The following ELFN2 variants were observed in gnomAD, a reference collection of about 807,000 sequenced individuals.
The protein encoded by ELFN2 is protein phosphatase 1 regulatory subunit 29.
In ELFN2, 17 loss-of-function variants were observed where a neutral mutation model predicts 45.5. That is an observed-to-expected ratio of 0.37 (90% CI 0.26 to 0.56). ELFN2 has a LOEUF of 0.56. ELFN2 is among the 20% of genes least tolerant of loss of function. The pLI is 0.77. For synonymous variants in ELFN2, 550 were observed against 551.5 expected (o/e 1.00, Z 0.04); for missense variants, 922 against 1,183.2 (o/e 0.78, Z 3.24).
At chr22:37,400,579 G>A (rs1932337125) in intron 2 of ELFN2, among the ~76,000 whole-genome samples, 1 of 152,176 alleles carries the variant, frequency 6.6e-6, no homozygotes, top group African/African-American at 2.4e-5. Context: ...CCTGAGGCCT[G>A]CAGGGGTGCC....
At chr22:37,402,397 A>G (rs985047393) in intron 2 of ELFN2, among the ~76,000 whole-genome samples, 5 of 152,098 alleles carry the variant, frequency 3.3e-5, no homozygotes, top group African/African-American at 1.2e-4. Flanking sequence ...CAGGCCCACC[A>G]CACCCTATTG....
chr22:37,344,556 G>C (rs1032722676), intron 1 of ELFN2, among the ~76,000 whole-genome samples: 3 of 151,856 alleles, frequency 2.0e-5, no homozygotes, highest in Non-Finnish European at 2.9e-5. Context: ...TGCCAGCCTC[G>C]AGTCTTGGGA....
rs922055874 is a variant in ELFN2 at position 37,370,245 on chromosome 22, T to TG, written c.*2826dup. On this transcript the variant is annotated 3_prime_UTR_variant, in exon 3 of 3. Coordinates refer to ENST00000402918, the MANE Select transcript of ELFN2 (RefSeq NM_052906.5). ...CCTAAATATCTTCACGCAGAAAGGATGGGGAAATGGCAAGCGCAGGCCCCT... is the reference window on the plus strand; with the variant it reads ...CCTAAATATCTTCACGCAGAAAGGATGGGGGAAATGGCAAGCGCAGGCCCCT... 3.3e-5 allele frequency: 5 copies of TG among 152,152 alleles called. No homozygotes were observed. Among genetic ancestry groups the TG allele is most frequent in the African/African-American group, 1.2e-4 (5 of 41,428 alleles). 9.4% of individuals were successfully genotyped at this position (152,152 alleles called of 1,614,324 possible).
intron 1 of ELFN2, among the ~76,000 whole-genome samples, chr22:37,348,931 G>A (rs754162521): frequency 6.6e-6 from 1 of 150,836 alleles, no homozygotes; most frequent in African/African-American, 2.4e-5. Context: ...CCTGGGGCCT[G>A]GGGAGGTCTG....
intron 1 of ELFN2, among the ~76,000 whole-genome samples, chr22:37,424,314 GGGGT>G (rs1932832084): frequency 1.3e-5 from 2 of 152,200 alleles, no homozygotes; most frequent in African/African-American, 2.4e-5. Context: ...AGATGCGGCA[GGGGT>G]GTCACTGGAA....
At chr22:37,351,516 C>T (rs1441469306) in intron 1 of ELFN2, among the ~76,000 whole-genome samples, 1 of 150,510 alleles carries the variant, frequency 6.6e-6, no homozygotes, top group Non-Finnish European at 1.5e-5. Flanking sequence ...TCCTGCCAGG[C>T]CTGCAGCCTC....
At position 37,350,298 on chromosome 22, in the gene ELFN2, G is replaced by A. The variant is rs145572635; in HGVS notation, n.149-7595C>T. Among the ~76,000 whole-genome samples, 4 of 150,896 alleles carry A rather than the reference G, an allele frequency of 2.7e-5. 1 individual carries two copies. The highest frequency in any genetic ancestry group is 9.7e-5 in the African/African-American group (4 of 41,326). ...GGAGCCAAGGAAATGATTCAGTTTT[G>A]TTCCTGGAGGCAAAAGAAGTTCCAT... On this transcript the variant is annotated intron_variant and non_coding_transcript_variant, in intron 1 of 2. Transcript: ENST00000452946.
chr22:37,392,571 G>A (rs1213551340), intron 2 of ELFN2, among the ~76,000 whole-genome samples: 2 of 152,126 alleles, frequency 1.3e-5, no homozygotes, highest in African/African-American at 2.4e-5. Context: ...ACCCGCCTTG[G>A]CCTCCCAAAG....
intron 2 of ELFN2, among the ~76,000 whole-genome samples, chr22:37,392,866 G>A (rs896815619): frequency 6.6e-6 from 1 of 152,164 alleles, no homozygotes; most frequent in Non-Finnish European, 1.5e-5. Context: ...TCCATCAGCA[G>A]CAGCTCACGC....
intron 1 of ELFN2, among the ~76,000 whole-genome samples, chr22:37,421,707 C>A (rs1207974625): frequency 2.6e-5 from 4 of 152,206 alleles, no homozygotes; most frequent in Non-Finnish European, 5.9e-5. Context: ...ATGCAAAATG[C>A]AGCGATCCGT....
chr22:37,368,563 T>A lies in ELFN2; in HGVS notation c.*4509A>T, dbSNP rs888223092. The A allele has an allele frequency of 6.6e-6, 1 of 152,166 alleles. No individual in the cohort carries two copies. The highest frequency in any genetic ancestry group is 6.5e-5 in the Admixed American group (1 of 15,282). The allele number at this position is 152,166 out of a possible 1,614,324, so 9.4% of individuals were successfully genotyped here. A position where few individuals can be genotyped will look rare whatever the true frequency, so the allele number is the denominator to read the frequency against. ...AGGGAAGGAGTGTGTCAGGATGGAA[T>A]CTGAGCATGAGAGTTAGAGGAGGTC... is the stretch of plus-strand genomic sequence containing the variant. On this transcript the variant is annotated 3_prime_UTR_variant, in exon 3 of 3. Coordinates refer to ENST00000402918, the MANE Select transcript of ELFN2 (RefSeq NM_052906.5).
downstream of ELFN2, among the ~76,000 whole-genome samples, chr22:37,363,978 C>A (rs1931147230): frequency 6.6e-6 from 1 of 152,044 alleles, no homozygotes. Context: ...GCTCATGGGG[C>A]CAACCAGTTC....
chr22:37,372,827 G>C lies in ELFN2; in HGVS notation c.*245C>G. 1 of 505,896 alleles carries C rather than the reference G, an allele frequency of 2.0e-6. No individual in the cohort carries two copies. Among genetic ancestry groups the C allele is most frequent in the Non-Finnish European group, 3.5e-6 (1 of 285,494 alleles). The allele number at this position is 505,896 out of a possible 1,614,324, so 31.3% of individuals were successfully genotyped here. A position where few individuals can be genotyped will look rare whatever the true frequency, so the allele number is the denominator to read the frequency against. ...CAGCACAGTAAAGACGACTGGTTTC[G>C]GTATCAGTTTGTAAACTTTAAGGAA... On this transcript the variant is annotated 3_prime_UTR_variant, in exon 3 of 3. Transcript: ENST00000402918. The surrounding 1 kb of genome is among the most constrained non-coding windows in gnomAD (Gnocchi z 4.4).
At chr22:37,357,285 C>T (rs1930975211) in intron 1 of ELFN2, among the ~76,000 whole-genome samples, 1 of 152,192 alleles carries the variant, frequency 6.6e-6, no homozygotes, top group African/African-American at 2.4e-5. Flanking sequence ...GGGCCTCACG[C>T]TAGACGGGAG....
intron 2 of ELFN2, among the ~76,000 whole-genome samples, chr22:37,409,221 G>A (rs1043814569): frequency 3.9e-5 from 6 of 152,146 alleles, no homozygotes; most frequent in African/African-American, 1.2e-4. Flanking sequence ...TCGCCTACCC[G>A]GCCCCACCCC....
chr22:37,403,106 C>T (rs1213561855), intron 2 of ELFN2, among the ~76,000 whole-genome samples: 1 of 152,298 alleles, frequency 6.6e-6, no homozygotes, highest in African/African-American at 2.4e-5. Context: ...CCAACAACAT[C>T]CCAAGCTGAG....
rs988666017 is a variant in ELFN2 at position 37,370,999 on chromosome 22, G to A, written c.*2073C>T. On this transcript the variant is annotated 3_prime_UTR_variant, in exon 3 of 3. Coordinates refer to ENST00000402918, the MANE Select transcript of ELFN2 (RefSeq NM_052906.5). ...GGGGGGCAGGTTTTGGGGGCCGGGGGAGGAGGTCTGCTCCGCGTATCCATG... is the reference window on the plus strand; with the variant it reads ...GGGGGGCAGGTTTTGGGGGCCGGGGAAGGAGGTCTGCTCCGCGTATCCATG... 3.9e-5 allele frequency: 6 copies of A among 152,004 alleles called. No homozygotes were observed. Among genetic ancestry groups the A allele is most frequent in the African/African-American group, 1.5e-4 (6 of 41,330 alleles). 9.4% of individuals were successfully genotyped at this position (152,004 alleles called of 1,614,324 possible).
At chr22:37,385,942 G>A (rs985220635) in intron 2 of ELFN2, among the ~76,000 whole-genome samples, 7 of 152,124 alleles carry the variant, frequency 4.6e-5, no homozygotes, top group African/African-American at 1.4e-4. Flanking sequence ...GGCCTCTGTG[G>A]GTCACCAATT....
intron 1 of ELFN2, among the ~76,000 whole-genome samples, chr22:37,426,350 G>A (rs894294226): frequency 2.2e-5 from 3 of 135,256 alleles, no homozygotes; most frequent in South Asian, 2.3e-4. Context: ...GCACACGCGC[G>A]CGCGCGCACA....
Sources: gnomAD v4.1 joint callset for allele counts (sites outside exome capture counted in the v4.1 genomes callset) on GRCh38, gnomAD v4.1.1 for gene constraint, Gnocchi (gnomAD v3.1) non-coding constraint, MANE v1.5 for transcripts, NCBI Gene and HGNC (gene_info 2026-07-23, HGNC 2026-07-21) for gene names.